Variants in MAP3K21 observed in about 807,000 individuals in gnomAD.
MAP3K21 encodes the protein mitogen-activated protein kinase kinase kinase 21.
In MAP3K21, 63 loss-of-function variants were observed where a neutral mutation model predicts 86.1. That is an observed-to-expected ratio of 0.73 (90% CI 0.60 to 0.90). The LOEUF is 0.90. MAP3K21 is among the 40% of genes least tolerant of loss of function. MAP3K21 has a pLI of 0.00. For synonymous variants in MAP3K21, 558 were observed against 564.8 expected, an observed-to-expected ratio of 0.99 and a Z score of 0.17; for missense variants, 1,220 against 1,367.7, an observed-to-expected ratio of 0.89 and a Z score of 1.70.
intron 4 of MAP3K21, among the ~76,000 whole-genome samples, chr1:233,359,692 G>A (rs984613651): frequency 9.8e-5 from 15 of 152,310 alleles, no homozygotes; most frequent in South Asian, 4.1e-4. Flanking sequence ...GCATGCCACC[G>A]TTAATGATTA....
chr1:233,337,686 G>A (rs1262634689), intron 1 of MAP3K21, among the ~76,000 whole-genome samples: 1 of 152,156 alleles, frequency 6.6e-6, no homozygotes, highest in Non-Finnish European at 1.5e-5. Flanking sequence ...TTCCCTGCAG[G>A]TGTGCTGAGA....
In MAP3K21 at chr1:233,363,631, G is replaced by A. The variant is rs182688943; in HGVS notation, c.1552+1338G>A. Reference sequence around the variant, plus strand: ...GCGGGAGAATCACTTGAACCTGGGAGGTGGAGGTTGCAGTGACCCGAGATC... The same window carrying A: ...GCGGGAGAATCACTTGAACCTGGGAAGTGGAGGTTGCAGTGACCCGAGATC... On this transcript the variant is annotated intron_variant, in intron 5 of 9. Coordinates refer to ENST00000366624, the MANE Select transcript of MAP3K21 (RefSeq NM_032435.3). 2.9e-3 allele frequency among the ~76,000 whole-genome samples: 437 copies of A among 150,016 alleles called. 4 individuals are homozygous for A. Among genetic ancestry groups the A allele is most frequent in the African/African-American group, 0.01 (410 of 40,574 alleles).
chr1:233,333,962 A>C (rs1662862679), intron 1 of MAP3K21, among the ~76,000 whole-genome samples: 1 of 152,102 alleles, frequency 6.6e-6, no homozygotes, highest in Admixed American at 6.5e-5. Flanking sequence ...TCCCGGGTTC[A>C]CGCCATTCTC....
At chr1:233,335,736 C>G (rs1662899526) in intron 1 of MAP3K21, among the ~76,000 whole-genome samples, 1 of 152,082 alleles carries the variant, frequency 6.6e-6, no homozygotes, top group Non-Finnish European at 1.5e-5. Context: ...TAATATTTAT[C>G]ATATTAGAAA....
At chr1:233,339,118 T>TC (rs1662968130) in intron 1 of MAP3K21, among the ~76,000 whole-genome samples, 2 of 152,160 alleles carry the variant, frequency 1.3e-5, no homozygotes, top group Non-Finnish European at 2.9e-5. Flanking sequence ...CAGGGAAGAA[T>TC]GATCAACCGT....
At chr1:233,329,897 T>C (rs1662780172) in intron 1 of MAP3K21, among the ~76,000 whole-genome samples, 1 of 152,254 alleles carries the variant, frequency 6.6e-6, no homozygotes, top group African/African-American at 2.4e-5. Context: ...ATGCAAATCC[T>C]ATGAAACTTT....
intron 5 of MAP3K21, among the ~76,000 whole-genome samples, chr1:233,369,503 G>A (rs1663644922): frequency 6.6e-6 from 1 of 152,176 alleles, no homozygotes; most frequent in Non-Finnish European, 1.5e-5. Context: ...GTTTCTTCCA[G>A]GAATTGAAAA....
At chr1:233,348,160 C>T (rs1343164933) in intron 2 of MAP3K21, among the ~76,000 whole-genome samples, 1 of 152,168 alleles carries the variant, frequency 6.6e-6, no homozygotes, top group East Asian at 1.9e-4. Context: ...CCCCTTCCCT[C>T]TCAGCCCTAG....
intron 4 of MAP3K21, among the ~76,000 whole-genome samples, chr1:233,361,494 T>A (rs1436142692): frequency 6.6e-6 from 1 of 152,218 alleles, no homozygotes; most frequent in Non-Finnish European, 1.5e-5. Context: ...TTAGCTTGAT[T>A]TTCTCCCTTA....
chr1:233,373,718 A>T (rs988765176), intron 6 of MAP3K21: 4 of 152,166 alleles, frequency 2.6e-5, no homozygotes, highest in Admixed American at 2.0e-4. Flanking sequence ...CATTGAGTGG[A>T]CCCTTTTATG....
At chr1:233,375,568 A>G (rs1443212289) in intron 6 of MAP3K21, among the ~76,000 whole-genome samples, 2 of 152,198 alleles carry the variant, frequency 1.3e-5, no homozygotes, top group Non-Finnish European at 2.9e-5. Context: ...TAGAGTACTA[A>G]GTTCATTTTA....
chr1:233,349,313 T>C (rs796071647), intron 2 of MAP3K21, among the ~76,000 whole-genome samples: 18 of 152,376 alleles, frequency 1.2e-4, no homozygotes, highest in African/African-American at 3.6e-4. Context: ...TAAGATATTA[T>C]ACTTCAAGAC....
intron 4 of MAP3K21, among the ~76,000 whole-genome samples, chr1:233,358,921 T>C (rs1259729451): frequency 3.9e-5 from 6 of 152,176 alleles, no homozygotes; most frequent in Admixed American, 3.9e-4. Context: ...GTGATTCTCC[T>C]GCCTCAGCCT....
chr1:233,367,451 A>G (rs1357685954), intron 5 of MAP3K21, among the ~76,000 whole-genome samples: 1 of 152,198 alleles, frequency 6.6e-6, no homozygotes, highest in Non-Finnish European at 1.5e-5. Context: ...AGTGAGTACA[A>G]AGAAAATCTG....
At chr1:233,375,673 C>A (rs925772312) in intron 6 of MAP3K21, 3 of 496,084 alleles carry the variant, frequency 6.0e-6, no homozygotes, top group East Asian at 3.4e-5. Context: ...GTAATCAAAT[C>A]TTTGCTGCTA....
chr1:233,334,420 A>C (rs1662874562), intron 1 of MAP3K21, among the ~76,000 whole-genome samples: 1 of 152,100 alleles, frequency 6.6e-6, no homozygotes. Context: ...GATTGTCTTG[A>C]TTTCTGATAC....
intron 3 of MAP3K21, 130 bp from the exon 4 acceptor site, chr1:233,354,706 A>C: frequency 2.7e-6 from 2 of 736,092 alleles, no homozygotes; most frequent in Non-Finnish European, 4.7e-6. Context: ...TCAGGAGCAG[A>C]TACTATAAAT....
At position 233,327,928 on chromosome 1, in the gene MAP3K21, C is replaced by A. The variant is rs918857903; in HGVS notation, c.-101C>A. 1.0e-6 allele frequency: 1 copy of A among 966,758 alleles called. No homozygotes were observed. The allele number at this position is 966,758 out of a possible 1,614,324, so 59.9% of individuals were successfully genotyped here. ...ATCGCGATTCCTACCCCCTCGCCTT[C>A]CCCCGGCGCCGACGGCCACACCGCC... On this transcript the variant is annotated 5_prime_UTR_variant, in exon 1 of 10. Coordinates refer to ENST00000366624, the MANE Select transcript of MAP3K21 (RefSeq NM_032435.3).
At position 233,384,459 on chromosome 1, in the gene MAP3K21, T is replaced by A. The variant is rs1663970596; in HGVS notation, c.*1748T>A. On this transcript the variant is annotated 3_prime_UTR_variant, in exon 10 of 10. Coordinates refer to ENST00000366624, the MANE Select transcript of MAP3K21 (RefSeq NM_032435.3). ...ATGATTCGGCTTCACTTTGTGTGGT[T>A]ATTGAATTATGTAACAGAGATTTGG... The A allele has an allele frequency of 1.3e-5, 2 of 152,224 alleles. No individual in the cohort carries two copies. The highest frequency in any genetic ancestry group is 2.9e-5 in the Non-Finnish European group (2 of 68,026). 9.4% of individuals were successfully genotyped at this position (152,224 alleles called of 1,614,324 possible).
Sources: gnomAD v4.1 joint callset for allele counts (sites outside exome capture counted in the v4.1 genomes callset) on GRCh38, gnomAD v4.1.1 for gene constraint, MANE v1.5 for transcripts, NCBI Gene and HGNC (gene_info 2026-07-23, HGNC 2026-07-21) for gene names.